Variants in RANBP2 observed in about 807,000 individuals in gnomAD.
RANBP2 encodes the protein RAN binding protein 2, also known as E3 SUMO-protein ligase RanBP2.
Under a neutral mutation model 303.6 loss-of-function variants are expected in RANBP2, and 57 were observed. That is an observed-to-expected ratio of 0.19 (90% CI 0.15 to 0.23). The LOEUF is 0.23. RANBP2 is among the 10% of genes least tolerant of loss of function. The probability of loss-of-function intolerance (pLI) is 1.00; values close to 1 mark genes in which losing one functional copy is unlikely to be tolerated. For missense variants in RANBP2, 3,138 were observed against 3,780.8 expected (o/e 0.83, Z 4.46); for synonymous variants, 1,167 against 1,301.5 (o/e 0.90, Z 2.23).
At chr2:109,118,630 C>G in the RANBP2 span, among the ~76,000 whole-genome samples, 1 of 151,970 alleles carries the variant, frequency 6.6e-6, no homozygotes, top group African/African-American at 2.4e-5. Context: ...TGTGGGCAGA[C>G]CCCTGCAGCT....
the RANBP2 span, among the ~76,000 whole-genome samples, chr2:109,763,838 A>G: frequency 7.4e-5 from 11 of 149,124 alleles, no homozygotes; most frequent in East Asian, 2.3e-3. Flanking sequence ...AACAAATTGG[A>G]ATTTATTAGT....
chr2:109,192,985 G>A, the RANBP2 span, among the ~76,000 whole-genome samples: 1 of 152,236 alleles, frequency 6.6e-6, no homozygotes, highest in Non-Finnish European at 1.5e-5. Context: ...TGAACCTCTT[G>A]TGACTTGGAA....
the RANBP2 span, among the ~76,000 whole-genome samples, chr2:109,447,376 C>T: frequency 0.035 from 5,285 of 152,036 alleles, 277 homozygotes; most frequent in African/African-American, 0.11. Flanking sequence ...TGCTACTTCC[C>T]GTGGCCTCCA....
At chr2:109,329,526 C>G in the RANBP2 span, among the ~76,000 whole-genome samples, 1 of 152,230 alleles carries the variant, frequency 6.6e-6, no homozygotes, top group Non-Finnish European at 1.5e-5. Context: ...ACACATCCCC[C>G]CATTCTCCCT....
At chr2:108,925,241 A>G in the RANBP2 span, among the ~76,000 whole-genome samples, 1 of 152,210 alleles carries the variant, frequency 6.6e-6, no homozygotes. Flanking sequence ...TTGTCTGTAA[A>G]CATTGGCTGA....
chr2:108,910,946 C>G, the RANBP2 span: 1 of 1,614,118 alleles, frequency 6.2e-7, no homozygotes, highest in Non-Finnish European at 8.5e-7. Flanking sequence ...GGGGCCGTCA[C>G]CTGGGGCAGA....
chr2:109,532,999 A>G, the RANBP2 span, among the ~76,000 whole-genome samples: 20 of 152,104 alleles, frequency 1.3e-4, no homozygotes, highest in Non-Finnish European at 2.4e-4. Flanking sequence ...AACAAGGCAG[A>G]TAAGGTCCTG....
At chr2:109,592,590 C>G in the RANBP2 span, among the ~76,000 whole-genome samples, 3 of 151,932 alleles carry the variant, frequency 2.0e-5, no homozygotes, top group East Asian at 5.8e-4. Context: ...AACTAGCCTA[C>G]CAACATGGTG....
At chr2:109,081,486 G>C in the RANBP2 span, among the ~76,000 whole-genome samples, 1 of 152,168 alleles carries the variant, frequency 6.6e-6, no homozygotes, top group Non-Finnish European at 1.5e-5. Flanking sequence ...TCAATGCTGG[G>C]CTTGAGGTGG....
chr2:109,071,373 A>C, the RANBP2 span, among the ~76,000 whole-genome samples: 1 of 152,358 alleles, frequency 6.6e-6, no homozygotes, highest in African/African-American at 2.4e-5. Flanking sequence ...TTAGATACCC[A>C]TTAGACATCT....
chr2:109,191,727 G>T, the RANBP2 span, among the ~76,000 whole-genome samples: 2 of 152,154 alleles, frequency 1.3e-5, no homozygotes, highest in African/African-American at 4.8e-5. Flanking sequence ...GTGCTGATGC[G>T]AGGGGAAGCC....
rs749840401 is a variant in RANBP2, at chr2:108,773,016, A to G, written c.8262A>G (p.Gln2754=). 2.7e-5 allele frequency: 44 copies of G among 1,613,282 alleles called. No homozygotes were observed. Among genetic ancestry groups the G allele is most frequent in the Non-Finnish European group, 3.4e-5 (40 of 1,179,590 alleles). Residue 2754 remains glutamine (Q), a synonymous_variant, in exon 23 of 29, where the codon CAA becomes CAG. Coordinates refer to ENST00000283195, the MANE Select transcript of RANBP2 (RefSeq NM_006267.5). ...DEDNGNGEDF[Q]SELQKVQEAQ... is the part of the protein sequence containing the mutation. ...ACAATGGAAATGGGGAGGACTTTCA[A>G]TCAGAGCTTCAAAAAGTTCAGGAAG... is the stretch of plus-strand genomic sequence containing the variant.
At chr2:109,086,499 G>A in the RANBP2 span, among the ~76,000 whole-genome samples, 3 of 152,346 alleles carry the variant, frequency 2.0e-5, no homozygotes, top group East Asian at 1.9e-4. Flanking sequence ...TGCCAAGGCT[G>A]TCTTGTGGGA....
the RANBP2 span, among the ~76,000 whole-genome samples, chr2:109,078,015 C>T: frequency 1.4e-5 from 2 of 141,854 alleles, no homozygotes; most frequent in East Asian, 4.0e-4. Flanking sequence ...CTCTCATGTT[C>T]ACTGCAGCAT....
At chr2:109,078,266 GCGTATATATATATATA>G in the RANBP2 span, among the ~76,000 whole-genome samples, 8 of 54,794 alleles carry the variant, frequency 1.5e-4, 1 homozygote, top group African/African-American at 6.0e-4. Flanking sequence ...TATATATAGC[GCGTATATATATATATA>G]TATATATATA....
At chr2:109,156,933 A>G in the RANBP2 span, among the ~76,000 whole-genome samples, 2 of 152,154 alleles carry the variant, frequency 1.3e-5, no homozygotes, top group Non-Finnish European at 2.9e-5. Context: ...TTCAAATACT[A>G]TTTCTTATTT....
At chr2:109,045,749 G>GGGGAGGAGGAAGAAGGAA in the RANBP2 span, among the ~76,000 whole-genome samples, 27 of 152,230 alleles carry the variant, frequency 1.8e-4, 1 homozygote, top group South Asian at 5.2e-3. Flanking sequence ...GGCGGAAAGA[G>GGGGAGGAGGAAGAAGGAA]GGGAGGAGGA....
At chr2:109,147,859 A>G in the RANBP2 span, among the ~76,000 whole-genome samples, 3 of 152,240 alleles carry the variant, frequency 2.0e-5, no homozygotes, top group African/African-American at 4.8e-5. Flanking sequence ...GCATTTCCAT[A>G]TATACATATA....
the RANBP2 span, among the ~76,000 whole-genome samples, chr2:108,911,979 C>G: frequency 6.6e-6 from 1 of 152,184 alleles, no homozygotes; most frequent in Non-Finnish European, 1.5e-5. Context: ...TTGAGCTACT[C>G]CCCCCGGGGC....
Sources: allele counts gnomAD v4.1 joint callset (sites outside exome capture counted in the v4.1 genomes callset), GRCh38; gene constraint gnomAD v4.1.1; transcripts MANE v1.5; gene names NCBI Gene and HGNC (gene_info 2026-07-23, HGNC 2026-07-21).